SLC4A7: variants seen among roughly 807,000 people sequenced by gnomAD.
SLC4A7 encodes the protein solute carrier family 4 member 7, also known as sodium bicarbonate cotransporter 3.
SLC4A7 carries 51 observed loss-of-function variants against 137.6 expected under a neutral mutation model. The observed-to-expected ratio is 0.37, with a 90% CI of 0.30 to 0.47. The LOEUF is 0.47. Among genes scored for constraint, SLC4A7 ranks in the 20% least tolerant of loss-of-function variants. The pLI, the probability that SLC4A7 is intolerant of heterozygous loss-of-function variation, is 1.00. For synonymous variants in SLC4A7, 542 were observed against 518.6 expected (o/e 1.05, Z -0.61); for missense variants, 1,247 against 1,525.4 (o/e 0.82, Z 3.04).
In SLC4A7 at chr3:27,389,968, A is replaced by G; in HGVS notation, c.3323T>C (p.Ile1108Thr). ...QLTCLVLLWV[I>T]KVSAAAVVFP... ...AACCACTGCAGCAGCTGAAACTTTTATCACCCATAAAAGGACCAAACAAGT... is the reference window on the plus strand; with the variant it reads ...AACCACTGCAGCAGCTGAAACTTTTGTCACCCATAAAAGGACCAAACAAGT... Residue 1108 changes from isoleucine (I) to threonine (T), a missense_variant, in exon 22 of 26, where the codon ATA becomes ACA. Ile to Thr is a moderately conservative substitution (Grantham distance 89). Coordinates refer to ENST00000454389, the MANE Select transcript of SLC4A7 (RefSeq NM_001321103.2). 6.2e-7 allele frequency: 1 copy of G among 1,613,914 alleles called. No individual in the cohort carries two copies. The highest frequency in any genetic ancestry group is 1.1e-5 in the South Asian group (1 of 91,054).
In SLC4A7 at chr3:27,376,228, TG is replaced by T. The variant is rs2049887256; in HGVS notation, c.*535del. ...TTCTATTGTTCTACAGTCATCTCTA[TG>T]GCTAAGAAAACGCCAGTTAGTGAAA... On this transcript the variant is annotated 3_prime_UTR_variant, in exon 26 of 26. Coordinates refer to ENST00000454389, the MANE Select transcript of SLC4A7 (RefSeq NM_001321103.2). 6.6e-6 allele frequency: 1 copy of T among 152,120 alleles called. No individual in the cohort carries two copies. Among genetic ancestry groups the T allele is most frequent in the Admixed American group, 6.5e-5 (1 of 15,272 alleles). The allele number at this position is 152,120 out of a possible 1,614,324, so 9.4% of individuals were successfully genotyped here.
At chr3:27,381,917 C>G (rs2050458646) in intron 24 of SLC4A7, among the ~76,000 whole-genome samples, 1 of 152,018 alleles carries the variant, frequency 6.6e-6, no homozygotes, top group South Asian at 2.1e-4. Flanking sequence ...GGTGAAACCC[C>G]ATCTCTACTG....
rs1441993078 is a variant in SLC4A7 at position 27,374,814 on chromosome 3, C to A, written c.*1950G>T. ...ACACAAGGAAATGATGTGAGGAAAT[C>A]CTCTTGTTCAGGTACATCAGGGGAG... On this transcript the variant is annotated 3_prime_UTR_variant, in exon 26 of 26. Transcript: ENST00000454389. The A allele has an allele frequency of 6.6e-6, 1 of 152,410 alleles. No homozygotes were observed. Among genetic ancestry groups the A allele is most frequent in the East Asian group, 1.9e-4 (1 of 5,188 alleles). The allele number at this position is 152,410 out of a possible 1,614,324, so 9.4% of individuals were successfully genotyped here. A position where few individuals can be genotyped will look rare whatever the true frequency, so the allele number is the denominator to read the frequency against.
At chr3:27,433,681 G>T (rs554690756) in intron 6 of SLC4A7, among the ~76,000 whole-genome samples, 37 of 151,976 alleles carry the variant, frequency 2.4e-4, no homozygotes, top group African/African-American at 8.4e-4. Context: ...TAAAATAAAG[G>T]TTCAAACCCA....
At chr3:27,421,529 T>A in intron 9 of SLC4A7, 93 bp downstream of exon 9, 1 of 965,650 alleles carries the variant, frequency 1.0e-6, no homozygotes, top group Non-Finnish European at 1.5e-6. Context: ...TAAGCTTTTA[T>A]TACATAAATC....
chr3:27,440,309 CTG>C (rs1375820590), intron 3 of SLC4A7, among the ~76,000 whole-genome samples: 3 of 152,184 alleles, frequency 2.0e-5, no homozygotes, highest in Non-Finnish European at 4.4e-5. Flanking sequence ...CCTGACGTCA[CTG>C]TAGCCACTTG....
At position 27,383,193 on chromosome 3, in the gene SLC4A7, C is replaced by T. The variant is rs2050598317; in HGVS notation, c.3550G>A (p.Gly1184Arg). 1 of 1,613,176 alleles carries T rather than the reference C, an allele frequency of 6.2e-7. No homozygotes were observed. Among genetic ancestry groups the T allele is most frequent in the Admixed American group, 1.7e-5 (1 of 59,958 alleles). ...DDTVHLPFEG[G>R]SLLQIPVKAL... ...TTGACTGGAATTTGCAAGAGACTTCCCCCTTCAAATGGAAGGTGCACAGTA... is the reference window on the plus strand; with the variant it reads ...TTGACTGGAATTTGCAAGAGACTTCTCCCTTCAAATGGAAGGTGCACAGTA... Residue 1184 changes from glycine (G) to arginine (R), a missense_variant, in exon 24 of 26, where the codon GGA becomes AGA. Physicochemically the swap from Gly to Arg is moderately radical, Grantham distance 125 (BLOSUM62 -2). Coordinates refer to ENST00000454389, the MANE Select transcript of SLC4A7 (RefSeq NM_001321103.2).
chr3:27,477,757 G>A, intron 1 of SLC4A7, among the ~76,000 whole-genome samples: 1 of 152,078 alleles, frequency 6.6e-6, no homozygotes, highest in East Asian at 1.9e-4. Context: ...TGGGATTACA[G>A]GCGCACAGCA....
intron 20 of SLC4A7, among the ~76,000 whole-genome samples, chr3:27,393,807 T>TA (rs1347563404): frequency 6.6e-6 from 1 of 151,912 alleles, no homozygotes; most frequent in Non-Finnish European, 1.5e-5. Context: ...TTTACAATAA[T>TA]AAAAAAATTA....
intron 1 of SLC4A7, among the ~76,000 whole-genome samples, chr3:27,457,903 A>C (rs944249991): frequency 6.6e-6 from 1 of 152,130 alleles, no homozygotes; most frequent in African/African-American, 2.4e-5. Flanking sequence ...AAACACTATC[A>C]GTTGTTTTTC....
rs1301529964 is a variant in SLC4A7 at position 27,446,341 on chromosome 3, G to C, written c.289+2310C>G. 2.0e-5 allele frequency among the ~76,000 whole-genome samples: 3 copies of C among 152,072 alleles called. No homozygotes were observed. The East Asian group carries it at 5.8e-4, about 29-fold the overall frequency. On this transcript the variant is annotated intron_variant, in intron 3 of 25. Coordinates refer to ENST00000454389, the MANE Select transcript of SLC4A7 (RefSeq NM_001321103.2). The stretch of plus-strand genomic sequence containing the variant: ...AATCCCTTTAGAGAGCAAAAACGAA[G>C]AGACTTCATTTTTAGCACTTCCTTG...
chr3:27,421,883 A>C, intron 8 of SLC4A7, 104 bp from the exon 9 acceptor site: 1 of 758,246 alleles, frequency 1.3e-6, no homozygotes, highest in African/African-American at 1.7e-5. Flanking sequence ...TTTGCTAATC[A>C]AAACTTGTGA....
At chr3:27,406,315 G>C (rs535007850) in intron 13 of SLC4A7, among the ~76,000 whole-genome samples, 11 of 152,296 alleles carry the variant, frequency 7.2e-5, no homozygotes, top group African/African-American at 2.6e-4. Context: ...TATAGTCAAT[G>C]AATAGGTAGC....
intron 12 of SLC4A7, 136 bp from the exon 13 acceptor site, chr3:27,409,666 A>G (rs2053715034): frequency 1.7e-6 from 1 of 604,448 alleles, no homozygotes. Context: ...TTTAACTTAT[A>G]AATTACAGAA....
At position 27,383,166 on chromosome 3, in the gene SLC4A7, C is replaced by A. The variant is rs775280053; in HGVS notation, c.3577G>T (p.Ala1193Ser). The A allele has an allele frequency of 1.2e-6, 2 of 1,608,456 alleles. No homozygotes were observed. Among genetic ancestry groups the A allele is most frequent in the Non-Finnish European group, 1.7e-6 (2 of 1,175,016 alleles). Reference sequence around the variant, plus strand: ...GTCATATCTCACCTATATTTTAGGGCCTTGACTGGAATTTGCAAGAGACTT... The same window carrying A: ...GTCATATCTCACCTATATTTTAGGGACTTGACTGGAATTTGCAAGAGACTT... ...GGSLLQIPVK[A>S]LKYSVDPSIV... The change falls in exon 24 of 26, where the codon GCC becomes TCC. Residue 1193 changes from alanine to serine, a missense_variant. Physicochemically the swap from Ala to Ser is moderately conservative, Grantham distance 99. Coordinates refer to ENST00000454389, the MANE Select transcript of SLC4A7 (RefSeq NM_001321103.2).
intron 1 of SLC4A7, among the ~76,000 whole-genome samples, chr3:27,464,692 C>CA (rs572691095): frequency 0.012 from 1,796 of 146,074 alleles, 11 homozygotes; most frequent in South Asian, 0.022. Context: ...GACTCCGTCT[C>CA]AAAAAAAAAA....
intron 22 of SLC4A7, among the ~76,000 whole-genome samples, chr3:27,386,747 T>C (rs2150052349): frequency 6.6e-6 from 1 of 152,292 alleles, no homozygotes; most frequent in South Asian, 2.1e-4. Flanking sequence ...CATATCTTCC[T>C]TTTACACTTG....
chr3:27,377,967 T>C (rs913323360), intron 25 of SLC4A7, among the ~76,000 whole-genome samples: 1 of 152,202 alleles, frequency 6.6e-6, no homozygotes, highest in Non-Finnish European at 1.5e-5. Flanking sequence ...GCATAAAAGA[T>C]GTTAGTTATT....
rs2056310816 is a variant in SLC4A7, at chr3:27,431,666, T to A, written c.782A>T (p.Glu261Val). ...AGAGTGGCGGGAGGCTGAAAGGCCT[T>A]CCCCTGAGATAAAACAAATAAATGA... ...SDPHLLERNG[E>V]GLSASRHSLR... Residue 261 changes from glutamate (E) to valine (V), a missense_variant, in exon 7 of 26, where the codon GAA (glutamate) becomes GTA (valine). This residue lies in a region of SLC4A7 where 223 missense variants were observed against 203.6 expected (regional missense o/e 1.10). Coordinates refer to ENST00000454389, the MANE Select transcript of SLC4A7 (RefSeq NM_001321103.2). 6.5e-7 allele frequency: 1 copy of A among 1,539,088 alleles called. No homozygotes were observed. Among genetic ancestry groups the A allele is most frequent in the Non-Finnish European group, 8.7e-7 (1 of 1,144,008 alleles).
Sources: gnomAD v4.1 joint callset for allele counts (sites outside exome capture counted in the v4.1 genomes callset) on GRCh38, gnomAD v4.1.1 for gene constraint, gnomAD v4.1.1 regional missense constraint, MANE v1.5 for transcripts, NCBI Gene and HGNC (gene_info 2026-07-23, HGNC 2026-07-21) for gene names.